ANXA9: variants seen among roughly 807,000 people sequenced by gnomAD.
ANXA9 encodes the protein annexin 31.
In ANXA9, 47 loss-of-function variants were observed where a neutral mutation model predicts 51.8. The ratio of observed to expected loss-of-function variants is 0.91; its 90% CI spans 0.72 to 1.16. The LOEUF (loss-of-function observed/expected upper bound fraction) is 1.16, where lower values mean the gene tolerates loss of function less well. Ranked by LOEUF, ANXA9 falls within the 50% of genes most tolerant of loss-of-function variation. The pLI, the probability that ANXA9 is intolerant of heterozygous loss-of-function variation, is 0.00. For synonymous variants in ANXA9, 154 were observed against 168.7 expected (o/e 0.91, Z 0.68); for missense variants, 361 against 424.7 (o/e 0.85, Z 1.32).
rs1196826863 is a variant in ANXA9 at position 150,982,353 on chromosome 1, C to T, written c.-140C>T. The T allele has an allele frequency of 2.6e-5, 4 of 153,088 alleles. No individual in the cohort carries two copies. Among genetic ancestry groups the T allele is most frequent in the Non-Finnish European group, 4.4e-5 (3 of 68,500 alleles). The allele number at this position is 153,088 out of a possible 1,614,324, so 9.5% of individuals were successfully genotyped here. On this transcript the variant is annotated 5_prime_UTR_variant, in exon 1 of 14. Transcript: ENST00000368947. ...GCAAGCTACCAGGCCACAACAACGA[C>T]ACCCACCTCACCTCTGGCACCTCTG... is the stretch of plus-strand genomic sequence containing the variant.
At chr1:150,977,457 A>G (rs932935808), upstream of ANXA9, among the ~76,000 whole-genome samples, 1 of 152,198 alleles carries the variant, frequency 6.6e-6, no homozygotes, top group East Asian at 1.9e-4. Context: ...CCATCCCCCA[A>G]CACGCAGGCT....
rs754234890 is a variant in ANXA9 at position 150,986,615 on chromosome 1, G to T, written c.566G>T (p.Ser189Ile). ...LLALAKGGRD[S>I]YSGIIDYNLA... The stretch of plus-strand genomic sequence containing the variant: ...TTCTCCTCCTAGGGGGGCCGTGACA[G>T]CTACTCTGGAATCATTGACTATAAT... The change falls in exon 9 of 14, where the codon AGC becomes ATC. Residue 189 changes from serine to isoleucine, a missense_variant. Physicochemically the swap from Ser to Ile is moderately radical, Grantham distance 142. Transcript: ENST00000368947. The T allele has an allele frequency of 6.2e-7, 1 of 1,607,152 alleles. No homozygotes were observed. Among genetic ancestry groups the T allele is most frequent in the African/African-American group, 1.3e-5 (1 of 74,342 alleles).
upstream of ANXA9, among the ~76,000 whole-genome samples, chr1:150,979,312 G>A (rs918429836): frequency 3.9e-5 from 6 of 151,924 alleles, no homozygotes; most frequent in Non-Finnish European, 7.4e-5. Context: ...GAGGCCTCAC[G>A]CTTCCTTCGG....
Position 150,991,586 on chromosome 1 carries a change from G to C in ANXA9, c.853-2991G>C, listed in dbSNP as rs587616446. On this transcript the variant is annotated intron_variant, in intron 12 of 13. Coordinates refer to ENST00000368947, the MANE Select transcript of ANXA9 (RefSeq NM_003568.3). ...GAGATGGAGTCTCACTCTGTCGCTAGGCTGGAGTGCAGTGGCACGATCTTG... is the reference window on the plus strand; with the variant it reads ...GAGATGGAGTCTCACTCTGTCGCTACGCTGGAGTGCAGTGGCACGATCTTG... Among the ~76,000 whole-genome samples, 938 of 151,676 alleles carry C rather than the reference G, an allele frequency of 6.2e-3. 5 individuals are homozygous for C. Among genetic ancestry groups the C allele is most frequent in the Non-Finnish European group, 9.9e-3 (675 of 67,914 alleles).
At chr1:150,991,121 C>T (rs1193060277) in intron 12 of ANXA9, among the ~76,000 whole-genome samples, 2 of 148,834 alleles carry the variant, frequency 1.3e-5, no homozygotes, top group East Asian at 4.0e-4. Flanking sequence ...CCAGCCTGGG[C>T]AACAGAGTGA....
At chr1:150,985,619 G>A (rs1222519449) in intron 7 of ANXA9, among the ~76,000 whole-genome samples, 1 of 150,898 alleles carries the variant, frequency 6.6e-6, no homozygotes, top group Non-Finnish European at 1.5e-5. Context: ...CCTAGGCTGT[G>A]CAGTGATGTC....
At chr1:150,987,148 A>G (rs780837745) in intron 9 of ANXA9, among the ~76,000 whole-genome samples, 1 of 152,162 alleles carries the variant, frequency 6.6e-6, no homozygotes, top group Non-Finnish European at 1.5e-5. Flanking sequence ...CAAGAGGATC[A>G]CTTGAGCCCA....
rs1477717921 is a variant in ANXA9, at chr1:150,987,946, C to T, written c.687C>T (p.His229=). 4.3e-6 allele frequency: 7 copies of T among 1,614,044 alleles called. No homozygotes were observed. The Admixed American group carries it at 1.0e-4, about 23-fold the overall frequency. The change falls in exon 10 of 14, where the codon CAC becomes CAT. Residue 229 remains histidine (H), a synonymous_variant. Transcript: ENST00000368947. ...TCTTCACCCAGCGAAATCCTGAACA[C>T]CTCATCCGAGGTACACACAAGCCTT... is the stretch of plus-strand genomic sequence containing the variant. ...VPVFTQRNPE[H]LIRVFDQYQR... is the part of the protein sequence containing the mutation.
upstream of ANXA9, among the ~76,000 whole-genome samples, chr1:150,981,614 G>T (rs930629334): frequency 1.3e-5 from 2 of 152,208 alleles, no homozygotes; most frequent in African/African-American, 4.8e-5. Context: ...CCAGGCAAGG[G>T]AGCCTCCCCC....
chr1:150,993,621 TTTTC>T (rs1203821050), intron 12 of ANXA9, among the ~76,000 whole-genome samples: 4 of 139,902 alleles, frequency 2.9e-5, no homozygotes, highest in Non-Finnish European at 4.6e-5. Flanking sequence ...GTTATTTCTT[TTTTC>T]TTTCTTTCTT....
At position 150,984,387 on chromosome 1, in the gene ANXA9, C is replaced by A; in HGVS notation, c.374C>A (p.Ala125Asp). 6.2e-7 allele frequency: 1 copy of A among 1,614,056 alleles called. No homozygotes were observed. The highest frequency in any genetic ancestry group is 8.5e-7 in the Non-Finnish European group (1 of 1,179,952). Residue 125 changes from alanine (A) to aspartate (D), a missense_variant, in exon 6 of 14, where the codon GCT (alanine) becomes GAT (aspartate). By Grantham distance (126) the Ala-to-Asp change is moderately radical. Transcript: ENST00000368947. ...AQFDAQELRT[A>D]LKASDSAVDV... ...TTTGACGCCCAGGAATTGAGGACAG[C>A]TCTGAAGGTAGCAGGAGGGGAGACT...
At chr1:150,990,915 C>A (rs1485907305) in intron 12 of ANXA9, among the ~76,000 whole-genome samples, 1 of 151,962 alleles carries the variant, frequency 6.6e-6, no homozygotes, top group Non-Finnish European at 1.5e-5. Flanking sequence ...GAGGCCAAGG[C>A]GGGCGGATCA....
intron 12 of ANXA9, among the ~76,000 whole-genome samples, 166 bp downstream of exon 12, chr1:150,988,507 T>C (rs1284236670): frequency 6.6e-6 from 1 of 152,210 alleles, no homozygotes; most frequent in Non-Finnish European, 1.5e-5. Context: ...AGGAATGAGC[T>C]GTGGTGAGAA....
chr1:150,984,607 G>A lies in ANXA9; in HGVS notation c.403G>A (p.Val135Met), dbSNP rs773735585. The change falls in exon 7 of 14, where the codon GTG becomes ATG. Residue 135 changes from valine (V) to methionine (M), a missense_variant. By Grantham distance (21) the Val-to-Met change is conservative (BLOSUM62 1). Coordinates refer to ENST00000368947, the MANE Select transcript of ANXA9 (RefSeq NM_003568.3). ...ALKASDSAVD[V>M]AIEILATRTP... ...GTAGGCCTCAGATTCTGCTGTGGAC[G>A]TGGCCATTGAAATTCTTGCCACTCG... The A allele has an allele frequency of 8.7e-6, 14 of 1,613,934 alleles. No individual in the cohort carries two copies. Among genetic ancestry groups the A allele is most frequent in the African/African-American group, 8.0e-5 (6 of 74,896 alleles).
chr1:150,995,329 C>T lies in ANXA9; in HGVS notation c.*7C>T, dbSNP rs774236481. On this transcript the variant is annotated 3_prime_UTR_variant, in exon 14 of 14. Transcript: ENST00000368947. ...CAGGGCTGAAGACATGTGAGACTTCCCTGCCCCACCCCACATGACATCCGA... is the reference window on the plus strand; with the variant it reads ...CAGGGCTGAAGACATGTGAGACTTCTCTGCCCCACCCCACATGACATCCGA... 16 of 1,600,034 alleles carry T rather than the reference C, an allele frequency of 1.0e-5. No homozygotes were observed. Among genetic ancestry groups the T allele is most frequent in the Non-Finnish European group, 1.4e-5 (16 of 1,173,200 alleles).
intron 7 of ANXA9, 98 bp downstream of exon 7, chr1:150,984,774 C>T: frequency 9.8e-7 from 1 of 1,019,546 alleles, no homozygotes; most frequent in South Asian, 1.5e-5. Context: ...ATCTGGCAAC[C>T]TGGCTGCCTA....
intron 5 of ANXA9, 98 bp from the exon 6 acceptor site, chr1:150,984,183 C>A (rs1671493196): frequency 9.8e-6 from 15 of 1,530,382 alleles, no homozygotes; most frequent in Non-Finnish European, 1.2e-5. Flanking sequence ...TAAACAGGGC[C>A]TGAGATGAAA....
intron 7 of ANXA9, among the ~76,000 whole-genome samples, chr1:150,985,719 C>A (rs1392912719): frequency 1.3e-5 from 2 of 152,074 alleles, no homozygotes; most frequent in African/African-American, 4.8e-5. Flanking sequence ...GGTGTGCCAC[C>A]ACCATGCCCA....
At chr1:150,989,813 A>C (rs587666446) in intron 12 of ANXA9, among the ~76,000 whole-genome samples, 1 of 152,332 alleles carries the variant, frequency 6.6e-6, no homozygotes, top group Admixed American at 6.5e-5. Flanking sequence ...AGAGATTTCT[A>C]TCTTGACAGT....
Sources: gnomAD v4.1 joint callset for allele counts (sites outside exome capture counted in the v4.1 genomes callset) on GRCh38, gnomAD v4.1.1 for gene constraint, MANE v1.5 for transcripts, NCBI Gene and HGNC (gene_info 2026-07-23, HGNC 2026-07-21) for gene names.